The following STK32B variants were observed in gnomAD, a reference collection of about 807,000 sequenced individuals.
STK32B encodes serine/threonine-protein kinase 32B.
A neutral mutation model predicts 52.6 loss-of-function variants in STK32B; 43 were observed. That is an observed-to-expected ratio of 0.82 (90% CI 0.64 to 1.05). The LOEUF (loss-of-function observed/expected upper bound fraction) is 1.05. Ranked by LOEUF, STK32B falls within the 50% of genes least tolerant of loss-of-function variation. The pLI is 0.00. For synonymous variants in STK32B, 238 were observed against 204.3 expected (o/e 1.17, Z -1.41); for missense variants, 621 against 534.6 (o/e 1.16, Z -1.59).
intron 1 of STK32B, 142 bp from the exon 2 acceptor site, chr4:5,139,763 G>A (rs1716290430): frequency 1.2e-6 from 1 of 822,706 alleles, no homozygotes; most frequent in Non-Finnish European, 2.0e-6. Flanking sequence ...GTGGATAAGG[G>A]TGGACGGCTG....
intron 3 of STK32B, among the ~76,000 whole-genome samples, chr4:5,229,067 C>T (rs1310826333): frequency 6.6e-6 from 1 of 152,076 alleles, no homozygotes; most frequent in African/African-American, 2.4e-5. Flanking sequence ...ATTAAAAATA[C>T]TTTATTGCTA....
chr4:5,042,121 C>T, the STK32B span, among the ~76,000 whole-genome samples: 1 of 152,126 alleles, frequency 6.6e-6, no homozygotes, highest in Non-Finnish European at 1.5e-5. Flanking sequence ...GAATAGCAGC[C>T]ACAAGACTCT....
intron 1 of STK32B, among the ~76,000 whole-genome samples, chr4:5,084,042 C>T (rs938771790): frequency 6.6e-6 from 1 of 152,122 alleles, no homozygotes; most frequent in Non-Finnish European, 1.5e-5. Flanking sequence ...CAGTCTGTTA[C>T]CTGATTTGTT....
At chr4:5,170,556 A>G (rs1325406271) in intron 3 of STK32B, among the ~76,000 whole-genome samples, 1 of 151,422 alleles carries the variant, frequency 6.6e-6, no homozygotes, top group Non-Finnish European at 1.5e-5. Context: ...AAGAACATGC[A>G]GTGTGTGGTT....
intron 4 of STK32B, among the ~76,000 whole-genome samples, chr4:5,358,719 A>G (rs1734340762): frequency 6.7e-6 from 1 of 148,332 alleles, no homozygotes; most frequent in Non-Finnish European, 1.5e-5. Context: ...ACACACACAC[A>G]CACAGGCACA....
intron 11 of STK32B, among the ~76,000 whole-genome samples, chr4:5,481,885 C>A (rs953754909): frequency 6.6e-6 from 1 of 152,118 alleles, no homozygotes; most frequent in African/African-American, 2.4e-5. Flanking sequence ...GTCAAAGATC[C>A]GATGGTTGTA....
chr4:5,139,688 A>AGGG (rs1716286159), intron 1 of STK32B: 1 of 563,574 alleles, frequency 1.8e-6, no homozygotes, highest in Admixed American at 3.0e-5. Flanking sequence ...TGTGGAGTGA[A>AGGG]GGGAAGGCTT....
At chr4:5,379,663 G>T (rs192867336) in intron 4 of STK32B, among the ~76,000 whole-genome samples, 1 of 152,206 alleles carries the variant, frequency 6.6e-6, no homozygotes, top group East Asian at 1.9e-4. Context: ...GTGTCCTTAC[G>T]ACAAGAGGCC....
At chr4:5,275,654 G>A (rs1368143727) in intron 3 of STK32B, among the ~76,000 whole-genome samples, 3 of 152,014 alleles carry the variant, frequency 2.0e-5, no homozygotes, top group African/African-American at 4.8e-5. Flanking sequence ...TCTGCAGCAC[G>A]TGGTGTGTAG....
At chr4:5,475,097 A>G (rs935726251) in intron 11 of STK32B, among the ~76,000 whole-genome samples, 9 of 152,250 alleles carry the variant, frequency 5.9e-5, no homozygotes, top group Middle Eastern at 6.8e-3. Context: ...AAAACTCACA[A>G]TCAAGACACT....
chr4:5,255,139 G>T (rs1185507063), intron 3 of STK32B, among the ~76,000 whole-genome samples: 1 of 152,080 alleles, frequency 6.6e-6, no homozygotes, highest in Non-Finnish European at 1.5e-5. Flanking sequence ...GAGATTAATG[G>T]TATGTTACTT....
chr4:5,472,549 C>T (rs946471959), intron 11 of STK32B, among the ~76,000 whole-genome samples: 2 of 152,178 alleles, frequency 1.3e-5, no homozygotes, highest in African/African-American at 4.8e-5. Context: ...TCCTCCTATT[C>T]TTGGCCAAAG....
chr4:5,117,242 C>A (rs1358390900), intron 1 of STK32B, among the ~76,000 whole-genome samples: 1 of 152,182 alleles, frequency 6.6e-6, no homozygotes, highest in East Asian at 1.9e-4. Context: ...GAGCCTTCAG[C>A]TTTTCATCAT....
intron 5 of STK32B, among the ~76,000 whole-genome samples, chr4:5,406,459 A>G (rs1028794516): frequency 6.6e-5 from 10 of 152,028 alleles, no homozygotes; most frequent in African/African-American, 4.8e-5. Context: ...CCAACCCCAC[A>G]TTTCCCCTTC....
chr4:5,230,223 A>G (rs1347492020), intron 3 of STK32B, among the ~76,000 whole-genome samples: 2 of 95,892 alleles, frequency 2.1e-5, no homozygotes, highest in African/African-American at 8.7e-5. Flanking sequence ...GGAGTCTTGC[A>G]CCGTCGCCCA....
At chr4:5,308,598 T>G (rs1730082682) in intron 3 of STK32B, among the ~76,000 whole-genome samples, 1 of 152,234 alleles carries the variant, frequency 6.6e-6, no homozygotes, top group African/African-American at 2.4e-5. Context: ...CTCATTCATA[T>G]GTGCCAGGTG....
chr4:5,398,124 A>G lies in STK32B; in HGVS notation c.435-83A>G, dbSNP rs1737040433. 6.6e-7 allele frequency: 1 copy of G among 1,522,846 alleles called. No individual in the cohort carries two copies. Among genetic ancestry groups the G allele is most frequent in the Non-Finnish European group, 9.0e-7 (1 of 1,111,056 alleles). The allele number at this position is 1,522,846 out of a possible 1,614,324, so 94.3% of individuals were successfully genotyped here. ...AGGTGAGCAGCCTGGGTGTTCCAGC[A>G]TTTGTCCTGATGTGGTGCTTGTCTA... On this transcript the variant is annotated intron_variant, in intron 4 of 11. Coordinates refer to ENST00000282908, the MANE Select transcript of STK32B (RefSeq NM_018401.3). This position sits in a 1 kb window ranked among gnomAD's most constrained non-coding sequence, Gnocchi z 4.9.
intron 3 of STK32B, among the ~76,000 whole-genome samples, chr4:5,318,266 G>A (rs1731250693): frequency 6.6e-6 from 1 of 152,138 alleles, no homozygotes; most frequent in African/African-American, 2.4e-5. Flanking sequence ...AAAATTTTAG[G>A]AAGTCAGAAA....
At chr4:5,269,678 G>A (rs1368226387) in intron 3 of STK32B, among the ~76,000 whole-genome samples, 1 of 151,098 alleles carries the variant, frequency 6.6e-6, no homozygotes, top group Non-Finnish European at 1.5e-5. Flanking sequence ...TGCAATATTT[G>A]TGCTGAAAAA....
Sources: allele counts gnomAD v4.1 joint callset (sites outside exome capture counted in the v4.1 genomes callset), GRCh38; gene constraint gnomAD v4.1.1; non-coding constraint Gnocchi (gnomAD v3.1); transcripts MANE v1.5; gene names NCBI Gene and HGNC (gene_info 2026-07-23, HGNC 2026-07-21).